The following CDYL2 variants were observed in gnomAD, a reference collection of about 807,000 sequenced individuals.
CDYL2 encodes chromodomain Y-like protein 2.
CDYL2 carries 23 observed loss-of-function variants against 49.4 expected under a neutral mutation model. The ratio of observed to expected loss-of-function variants is 0.47; its 90% CI spans 0.34 to 0.66. The LOEUF is 0.66. Ranked by LOEUF, CDYL2 falls within the 30% of genes least tolerant of loss-of-function variation. The probability of loss-of-function intolerance (pLI) is 0.01; values close to 1 mark genes in which losing one functional copy is unlikely to be tolerated. For missense variants in CDYL2, 678 were observed against 656.4 expected (o/e 1.03, Z -0.36); for synonymous variants, 360 against 268.8 (o/e 1.34, Z -3.32).
upstream of CDYL2, among the ~76,000 whole-genome samples, chr16:80,804,635 C>T (rs1469515378): frequency 6.9e-6 from 1 of 145,140 alleles, no homozygotes; most frequent in African/African-American, 2.5e-5. Context: ...CGGCCCGGCC[C>T]CCGGGGCGGG....
intron 1 of CDYL2, among the ~76,000 whole-genome samples, chr16:80,709,336 C>T (rs1358759892): frequency 6.8e-6 from 1 of 147,100 alleles, no homozygotes; most frequent in Non-Finnish European, 1.5e-5. Context: ...GAGCCAAGAT[C>T]GTGCCATTGC....
At chr16:80,646,239 G>C (rs1437891795) in intron 2 of CDYL2, among the ~76,000 whole-genome samples, 1 of 151,830 alleles carries the variant, frequency 6.6e-6, no homozygotes, top group Non-Finnish European at 1.5e-5. Flanking sequence ...TGGGGACAGA[G>C]AGCCAAACTA....
At chr16:80,724,935 C>G (rs1905116932) in intron 1 of CDYL2, among the ~76,000 whole-genome samples, 1 of 152,168 alleles carries the variant, frequency 6.6e-6, no homozygotes, top group African/African-American at 2.4e-5. Context: ...AGATCGTGTC[C>G]TCAAACCCTT....
chr16:80,607,455 A>G (rs1319515377), intron 6 of CDYL2, among the ~76,000 whole-genome samples: 1 of 152,184 alleles, frequency 6.6e-6, no homozygotes, highest in African/African-American at 2.4e-5. Context: ...CAATCTCCCA[A>G]AATGCCTCTC....
chr16:80,791,415 C>G (rs771128605), intron 1 of CDYL2, among the ~76,000 whole-genome samples: 3 of 150,992 alleles, frequency 2.0e-5, no homozygotes, highest in Non-Finnish European at 4.4e-5. Context: ...TGAAACAAGA[C>G]AGACAATCAC....
At chr16:80,701,766 T>C (rs953274046) in intron 1 of CDYL2, among the ~76,000 whole-genome samples, 1 of 152,218 alleles carries the variant, frequency 6.6e-6, no homozygotes, top group African/African-American at 2.4e-5. Context: ...AAAGTCCCAA[T>C]GAGTTCATTT....
rs1906641914 is a variant in CDYL2 at position 80,612,470 on chromosome 16, TCC to T, written c.1218+154_1218+155del. Among the ~76,000 whole-genome samples, 1 of 152,124 alleles carries T rather than the reference TCC, an allele frequency of 6.6e-6. No homozygotes were observed. The highest frequency in any genetic ancestry group is 6.5e-5 in the Admixed American group (1 of 15,268). On this transcript the variant is annotated intron_variant, in intron 5 of 6. Coordinates refer to ENST00000570137, the MANE Select transcript of CDYL2 (RefSeq NM_152342.4). The surrounding 1 kb of genome is among the most constrained non-coding windows in gnomAD (Gnocchi z 5.0). Reference sequence around the variant, plus strand: ...TCGCCATCTTCTCAGGCCGGGCTACTCCATCTGGCACTGAAGGTGTGAAGGAC... The same window carrying T: ...TCGCCATCTTCTCAGGCCGGGCTACTATCTGGCACTGAAGGTGTGAAGGAC...
At chr16:80,687,436 G>A (rs1209411999) in intron 1 of CDYL2, among the ~76,000 whole-genome samples, 1 of 152,070 alleles carries the variant, frequency 6.6e-6, no homozygotes, top group Non-Finnish European at 1.5e-5. Flanking sequence ...ATAGATGGAT[G>A]GTGGGATGTA....
intron 1 of CDYL2, among the ~76,000 whole-genome samples, chr16:80,699,999 C>G (rs1171295958): frequency 1.3e-5 from 2 of 152,120 alleles, no homozygotes; most frequent in Non-Finnish European, 2.9e-5. Context: ...TCCCGAGTAG[C>G]TGGGACTACA....
intron 1 of CDYL2, among the ~76,000 whole-genome samples, chr16:80,741,174 C>T (rs1369328002): frequency 6.7e-6 from 1 of 149,534 alleles, no homozygotes. Context: ...ATATATATAA[C>T]ATGTACTATA....
At chr16:80,646,845 T>C (rs752144078) in intron 2 of CDYL2, among the ~76,000 whole-genome samples, 4 of 150,170 alleles carry the variant, frequency 2.7e-5, no homozygotes, top group Non-Finnish European at 5.9e-5. Context: ...GACCCAATGA[T>C]CTGCTGCCTG....
chr16:80,803,496 G>C (rs955385497), intron 1 of CDYL2, among the ~76,000 whole-genome samples: 1 of 152,032 alleles, frequency 6.6e-6, no homozygotes, highest in Non-Finnish European at 1.5e-5. Flanking sequence ...CGAGCCCGGA[G>C]GGCGTCCGAG....
chr16:80,639,878 C>T, intron 2 of CDYL2: 1 of 359,428 alleles, frequency 2.8e-6, no homozygotes, highest in South Asian at 2.1e-5. Flanking sequence ...CAAAAGCATA[C>T]CAAACTCAGC....
chr16:80,632,612 T>C (rs1158221238), intron 3 of CDYL2: 1 of 210,970 alleles, frequency 4.7e-6, no homozygotes, highest in East Asian at 1.0e-4. Context: ...TAGTAACATA[T>C]ATATGTATTA....
chr16:80,634,593 T>C (rs952824897), intron 2 of CDYL2, among the ~76,000 whole-genome samples: 1 of 152,184 alleles, frequency 6.6e-6, no homozygotes, highest in East Asian at 1.9e-4. Context: ...CATGTATACA[T>C]ATGTAACCTG....
At chr16:80,719,205 T>C (rs1904914841) in intron 1 of CDYL2, among the ~76,000 whole-genome samples, 1 of 151,986 alleles carries the variant, frequency 6.6e-6, no homozygotes, top group Non-Finnish European at 1.5e-5. Flanking sequence ...GCAAAGGCAA[T>C]GTTTCTCAAA....
At chr16:80,661,138 C>A (rs1157224021) in intron 2 of CDYL2, among the ~76,000 whole-genome samples, 3 of 152,148 alleles carry the variant, frequency 2.0e-5, no homozygotes, top group Admixed American at 6.5e-5. Context: ...CATTTCAAAC[C>A]CCAGGTACAG....
chr16:80,604,618 T>C (rs1158148793), intron 6 of CDYL2, 72 bp from the exon 7 acceptor site: 32 of 1,539,522 alleles, frequency 2.1e-5, no homozygotes, highest in Non-Finnish European at 2.8e-5. Flanking sequence ...ACCTGGCCCA[T>C]GGGGCACTGG....
At chr16:80,729,159 T>C (rs112741641) in intron 1 of CDYL2, among the ~76,000 whole-genome samples, 1,809 of 152,216 alleles carry the variant, frequency 0.012, 40 homozygotes, top group African/African-American at 0.042. Flanking sequence ...CACTGGCAAA[T>C]TGGATAAAGA....
Sources: allele counts gnomAD v4.1 joint callset (sites outside exome capture counted in the v4.1 genomes callset), GRCh38; gene constraint gnomAD v4.1.1; non-coding constraint Gnocchi (gnomAD v3.1); transcripts MANE v1.5; gene names NCBI Gene and HGNC (gene_info 2026-07-23, HGNC 2026-07-21).